The following LAMA3 variants were observed in gnomAD, a reference collection of about 807,000 sequenced individuals.
The protein encoded by LAMA3 is laminin subunit alpha-3.
A neutral mutation model predicts 402.0 loss-of-function variants in LAMA3; 281 were observed. That is an observed-to-expected ratio of 0.70 (90% CI 0.63 to 0.77). The LOEUF (loss-of-function observed/expected upper bound fraction) is 0.77. LAMA3 is among the 30% of genes least tolerant of loss of function. LAMA3 has a pLI of 0.00. For synonymous variants in LAMA3, 1,431 were observed against 1,558.4 expected (o/e 0.92, Z 1.93); for missense variants, 3,840 against 4,215.5 (o/e 0.91, Z 2.47).
chr18:23,911,096 T>C (rs965039788), intron 55 of LAMA3, among the ~76,000 whole-genome samples: 22 of 137,196 alleles, frequency 1.6e-4, no homozygotes, highest in African/African-American at 4.8e-4. Context: ...ATATCTTAAT[T>C]TAAAAAATTT....
intron 24 of LAMA3, among the ~76,000 whole-genome samples, chr18:23,835,074 G>A (rs1473143273): frequency 6.6e-6 from 1 of 152,212 alleles, no homozygotes; most frequent in Non-Finnish European, 1.5e-5. Context: ...AGATATGAGC[G>A]GTATCTGTCT....
rs754718312 is a variant in LAMA3, at chr18:23,784,124, C to T, written c.1570C>T (p.Arg524Cys). The change falls in exon 12 of 75, where the codon CGC (arginine) becomes TGC (cysteine). Residue 524 changes from arginine (R) to cysteine (C), a missense_variant. Transcript: ENST00000313654. ...TGAGGGCCCTCGATGTGATACCTGC[C>T]GCTCTGGTTTCTACTCATTCCCTAT... ...GVEGPRCDTC[R>C]SGFYSFPICQ... 57 of 1,614,120 alleles carry T rather than the reference C, an allele frequency of 3.5e-5. No individual in the cohort carries two copies. Among genetic ancestry groups the T allele is most frequent in the Non-Finnish European group, 4.4e-5 (52 of 1,180,018 alleles).
chr18:23,767,562 C>CT (rs1351182673), intron 8 of LAMA3, among the ~76,000 whole-genome samples: 1 of 142,710 alleles, frequency 7.0e-6, no homozygotes. Context: ...GACTTTTTTT[C>CT]TTTTTTCTTT....
At chr18:23,816,846 G>A (rs1478377849) in intron 18 of LAMA3, among the ~76,000 whole-genome samples, 1 of 152,138 alleles carries the variant, frequency 6.6e-6, no homozygotes, top group African/African-American at 2.4e-5. Context: ...CCGCTCCAGG[G>A]AGAGAGGGAA....
intron 2 of LAMA3, among the ~76,000 whole-genome samples, chr18:23,721,544 A>G (rs1480727211): frequency 1.3e-5 from 2 of 152,310 alleles, no homozygotes; most frequent in African/African-American, 4.8e-5. Flanking sequence ...CATTTACACT[A>G]TGGAAATCAG....
At chr18:23,908,509 G>A (rs1599064573) in intron 54 of LAMA3, among the ~76,000 whole-genome samples, 1 of 126,688 alleles carries the variant, frequency 7.9e-6, no homozygotes, top group East Asian at 2.3e-4. Flanking sequence ...CAGCCTGGAC[G>A]ACAGAGCGAG....
In LAMA3 at chr18:23,867,476, A is replaced by G. The variant is rs192161691; in HGVS notation, c.4684-358A>G. On this transcript the variant is annotated intron_variant, in intron 36 of 74. Transcript: ENST00000313654. The stretch of plus-strand genomic sequence containing the variant: ...AGGCAGGAGAATCGCTTGAACCCGG[A>G]TGCCAGAGGTTGCAGTGAGCCAAGG... Among the ~76,000 whole-genome samples the G allele has an allele frequency of 2.3e-3, 348 of 148,108 alleles. 3 individuals are homozygous for G. Among genetic ancestry groups the G allele is most frequent in the African/African-American group, 8.0e-3 (322 of 40,222 alleles).
intron 56 of LAMA3, 94 bp from the exon 57 acceptor site, chr18:23,914,316 C>T: frequency 1.5e-6 from 2 of 1,331,730 alleles, no homozygotes; most frequent in Non-Finnish European, 2.2e-6. Context: ...TTGCCTAAAA[C>T]CCATTAGTTA....
intron 2 of LAMA3, among the ~76,000 whole-genome samples, chr18:23,736,272 T>G (rs2061473237): frequency 6.7e-6 from 1 of 150,110 alleles, no homozygotes; most frequent in Non-Finnish European, 1.5e-5. Context: ...TGTATAAATG[T>G]GCTATCACAT....
At chr18:23,815,839 A>G (rs2063165521) in intron 17 of LAMA3, among the ~76,000 whole-genome samples, 1 of 152,190 alleles carries the variant, frequency 6.6e-6, no homozygotes, top group African/African-American at 2.4e-5. Context: ...TGTTAGTTTT[A>G]TAAATAACAT....
rs2063728709 is a variant in LAMA3 at position 23,842,636 on chromosome 18, C to G, written c.3489C>G (p.Pro1163=). The G allele has an allele frequency of 6.2e-7, 1 of 1,614,160 alleles. No homozygotes were observed. Among genetic ancestry groups the G allele is most frequent in the Non-Finnish European group, 8.5e-7 (1 of 1,180,020 alleles). ...RAGSFHASFC[P]HVLGCRDQVI... ...GCTCCTTCCATGCCTCTTTTTGCCC[C>G]CATGTGCTTGGCTGCCGGGATCAAG... Residue 1163 remains proline (P), a synonymous_variant, in exon 29 of 75, where the codon CCC becomes CCG. Transcript: ENST00000313654.
At position 23,953,128 on chromosome 18, in the gene LAMA3, T is replaced by G; in HGVS notation, c.9856+19T>G. ...GCTCCAGGTAACTCTTGTCCTGACT[T>G]CTATAATGTGTTGCCCTGTGTCAGC... is the stretch of plus-strand genomic sequence containing the variant. On this transcript the variant is annotated intron_variant, in intron 74 of 74. Transcript: ENST00000313654. 8 of 1,613,466 alleles carry G rather than the reference T, an allele frequency of 5.0e-6. No individual in the cohort carries two copies. Among genetic ancestry groups the G allele is most frequent in the Non-Finnish European group, 5.9e-6 (7 of 1,179,558 alleles).
At chr18:23,716,634 CAATT>C (rs1260233223) in intron 2 of LAMA3, among the ~76,000 whole-genome samples, 1 of 152,048 alleles carries the variant, frequency 6.6e-6, no homozygotes, top group African/African-American at 2.4e-5. Context: ...CTAATTAAGA[CAATT>C]AAGAAAACAT....
At position 23,760,750 on chromosome 18, in the gene LAMA3, G is replaced by A. The variant is rs574716682; in HGVS notation, c.1063+2239G>A. 1.4e-3 allele frequency among the ~76,000 whole-genome samples: 210 copies of A among 152,274 alleles called. 1 individual carries two copies. Among genetic ancestry groups the A allele is most frequent in the African/African-American group, 4.8e-3 (201 of 41,552 alleles). ...TCTTAGTCTGTTCAGCTGCTGTAAC[G>A]TCTGGGTAGCTTATAAACAATAGCC... On this transcript the variant is annotated intron_variant, in intron 7 of 74. Transcript: ENST00000313654.
intron 67 of LAMA3, among the ~76,000 whole-genome samples, chr18:23,937,370 GCAAAAAAAAAA>G (rs2082346141): frequency 2.1e-4 from 2 of 9,604 alleles, no homozygotes. Flanking sequence ...CTTCTCAAAA[GCAAAAAAAAAA>G]AAAAAAAAAA....
chr18:23,882,102 A>G, intron 40 of LAMA3, 57 bp downstream of exon 40: 1 of 1,133,936 alleles, frequency 8.8e-7, no homozygotes. Flanking sequence ...GTGGCTGCCT[A>G]GGACTAGGGG....
At chr18:23,948,227 ATAG>A (rs1440765116) in intron 70 of LAMA3, among the ~76,000 whole-genome samples, 1 of 152,200 alleles carries the variant, frequency 6.6e-6, no homozygotes, top group African/African-American at 2.4e-5. Context: ...TCTGGGCCAA[ATAG>A]TAGCACCCCA....
At chr18:23,855,570 A>G (rs2064056681) in intron 32 of LAMA3, among the ~76,000 whole-genome samples, 1 of 152,214 alleles carries the variant, frequency 6.6e-6, no homozygotes, top group African/African-American at 2.4e-5. Flanking sequence ...AGCAGTTGTT[A>G]TTAACCTGGG....
At chr18:23,915,466 G>T in intron 59 of LAMA3, 44 bp downstream of exon 59, 1 of 1,579,144 alleles carries the variant, frequency 6.3e-7, no homozygotes, top group Non-Finnish European at 8.7e-7. Context: ...CTGGAGTTTT[G>T]GTAACTTGCA....
Sources: gnomAD v4.1 joint callset for allele counts (sites outside exome capture counted in the v4.1 genomes callset) on GRCh38, gnomAD v4.1.1 for gene constraint, MANE v1.5 for transcripts, NCBI Gene and HGNC (gene_info 2026-07-23, HGNC 2026-07-21) for gene names.